Variants in COL19A1 observed in about 807,000 individuals in gnomAD.
COL19A1 encodes collagen type XIX alpha 1 chain.
COL19A1 carries 159 observed loss-of-function variants against 190.2 expected under a neutral mutation model. That is an observed-to-expected ratio of 0.84 (90% confidence interval 0.73 to 0.95). COL19A1 has a LOEUF of 0.95. Among genes scored for constraint, COL19A1 ranks in the 40% least tolerant of loss-of-function variants. The pLI is 0.00. For synonymous variants in COL19A1, 509 were observed against 458.9 expected (o/e 1.11, Z -1.39); for missense variants, 1,418 against 1,431.9 (o/e 0.99, Z 0.16).
chr6:70,049,048 A>G (rs1780055257), intron 14 of COL19A1, among the ~76,000 whole-genome samples: 2 of 151,912 alleles, frequency 1.3e-5, no homozygotes, highest in Non-Finnish European at 2.9e-5. Context: ...ATATAAATGT[A>G]TATATTATAG....
intron 11 of COL19A1, among the ~76,000 whole-genome samples, chr6:69,998,680 T>C (rs1217056310): frequency 6.6e-6 from 1 of 150,872 alleles, no homozygotes; most frequent in East Asian, 1.9e-4. Flanking sequence ...AAAAAGAAAT[T>C]TCATTCATTA....
Position 70,211,454 on chromosome 6 carries a change from T to C in COL19A1, c.*4180T>C, listed in dbSNP as rs1768202419. On this transcript the variant is annotated 3_prime_UTR_variant, in exon 51 of 51. Transcript: ENST00000620364. Reference sequence around the variant, plus strand: ...CCAGCGTTATTTCTTAATACTTGAGTGTTGACACATTTTTGTACCATCCCC... The same window carrying C: ...CCAGCGTTATTTCTTAATACTTGAGCGTTGACACATTTTTGTACCATCCCC... Among the ~76,000 whole-genome samples the C allele has an allele frequency of 6.6e-6, 1 of 151,462 alleles. No homozygotes were observed. Among genetic ancestry groups the C allele is most frequent in the African/African-American group, 2.4e-5 (1 of 41,076 alleles).
chr6:69,891,585 C>T (rs554458403), intron 2 of COL19A1, among the ~76,000 whole-genome samples: 2 of 152,322 alleles, frequency 1.3e-5, no homozygotes, highest in African/African-American at 4.8e-5. Flanking sequence ...TCCTCTTTCC[C>T]TCTTCCATCC....
At chr6:70,083,606 CCAG>C (rs980802900) in intron 15 of COL19A1, among the ~76,000 whole-genome samples, 1 of 152,166 alleles carries the variant, frequency 6.6e-6, no homozygotes, top group African/African-American at 2.4e-5. Context: ...AACTTTATCA[CCAG>C]CAGAAGGAAT....
At chr6:70,188,986 C>A (rs2150295563) in intron 47 of COL19A1, among the ~76,000 whole-genome samples, 1 of 152,308 alleles carries the variant, frequency 6.6e-6, no homozygotes, top group East Asian at 1.9e-4. Flanking sequence ...TCCTGAAACT[C>A]TACTTGAATA....
Position 70,180,342 on chromosome 6 carries a change from G to A in COL19A1, c.2698G>A (p.Val900Ile), listed in dbSNP as rs371331657. 1 of 1,614,146 alleles carries A rather than the reference G, an allele frequency of 6.2e-7. No individual in the cohort carries two copies. The stretch of plus-strand genomic sequence containing the variant: ...ACCTGGTGCCCCAGGGCCTCCAGGA[G>A]TTCCAGGGGAACCGGTGAGTTGGCA... ...GKPGAPGPPGVPGEPGERGPV... is the reference protein window; with the variant it reads ...GKPGAPGPPGIPGEPGERGPV... The change falls in exon 43 of 51, where the codon GTT (valine) becomes ATT (isoleucine). Residue 900 changes from valine (V) to isoleucine (I), a missense_variant. Transcript: ENST00000620364.
chr6:70,058,369 G>A (rs1258011706), intron 14 of COL19A1, among the ~76,000 whole-genome samples: 2 of 151,966 alleles, frequency 1.3e-5, no homozygotes, highest in Admixed American at 6.6e-5. Context: ...CACCCAGTTA[G>A]GGAACTGGTT....
rs1178902584 is a variant in COL19A1 at position 69,929,524 on chromosome 6, C to T, written c.490C>T (p.Arg164Cys). 1.2e-5 allele frequency: 20 copies of T among 1,613,912 alleles called. No individual in the cohort carries two copies. Among genetic ancestry groups the T allele is most frequent in the East Asian group, 2.2e-5 (1 of 44,886 alleles). ...LNYIFRNREL[R>C]PLFDRQWHKL... ...CTACATTTTTAGAAATCGAGAACTCCGTCCTTTGTTTGATCGTCAGTGGCA... is the reference window on the plus strand; with the variant it reads ...CTACATTTTTAGAAATCGAGAACTCTGTCCTTTGTTTGATCGTCAGTGGCA... The change falls in exon 6 of 51, where the codon CGT (arginine) becomes TGT (cysteine). Residue 164 changes from arginine to cysteine, a missense_variant. Coordinates refer to ENST00000620364, the MANE Select transcript of COL19A1 (RefSeq NM_001858.6).
At chr6:69,976,321 G>T (rs969627743) in intron 11 of COL19A1, among the ~76,000 whole-genome samples, 1 of 152,136 alleles carries the variant, frequency 6.6e-6, no homozygotes, top group Non-Finnish European at 1.5e-5. Flanking sequence ...GTTTGATGCC[G>T]ACTATAATCC....
At chr6:70,145,722 C>T (rs373908983) in intron 25 of COL19A1, among the ~76,000 whole-genome samples, 26 of 128,122 alleles carry the variant, frequency 2.0e-4, no homozygotes, top group East Asian at 6.6e-4. Context: ...CTTATTGTTT[C>T]TTTTTTTTTT....
chr6:70,071,266 CTTTT>C (rs1781532494), intron 15 of COL19A1, among the ~76,000 whole-genome samples: 1 of 4,482 alleles, frequency 2.2e-4, no homozygotes, highest in African/African-American at 3.1e-3. Flanking sequence ...AATTCTTTTT[CTTTT>C]TCTCTAACTC....
At chr6:70,104,495 C>T (rs1783830664) in intron 16 of COL19A1, among the ~76,000 whole-genome samples, 1 of 152,168 alleles carries the variant, frequency 6.6e-6, no homozygotes, top group South Asian at 2.1e-4. Flanking sequence ...AGAAACCACC[C>T]TCTTGACCCA....
intron 14 of COL19A1, among the ~76,000 whole-genome samples, chr6:70,067,666 G>C (rs1451840129): frequency 6.6e-6 from 1 of 152,088 alleles, no homozygotes; most frequent in Admixed American, 6.6e-5. Context: ...TGTGGACTGA[G>C]AAGAAAATGA....
chr6:70,078,929 T>C (rs1782064921), intron 15 of COL19A1, among the ~76,000 whole-genome samples: 1 of 152,062 alleles, frequency 6.6e-6, no homozygotes, highest in Non-Finnish European at 1.5e-5. Flanking sequence ...TAGCTGGGCA[T>C]GGTGGTGTGC....
At chr6:70,119,994 G>A (rs1446418250) in intron 16 of COL19A1, among the ~76,000 whole-genome samples, 1 of 152,272 alleles carries the variant, frequency 6.6e-6, no homozygotes, top group East Asian at 1.9e-4. Context: ...AGGAGACTAA[G>A]GCACAAGAAT....
intron 18 of COL19A1, 67 bp from the exon 19 acceptor site, chr6:70,137,618 T>C: frequency 7.1e-7 from 1 of 1,410,564 alleles, no homozygotes; most frequent in South Asian, 1.2e-5. Flanking sequence ...AATCATTCTG[T>C]ATCTGACAGT....
At chr6:69,868,427 A>G (rs1279236904) in intron 1 of COL19A1, among the ~76,000 whole-genome samples, 2 of 152,136 alleles carry the variant, frequency 1.3e-5, no homozygotes, top group Non-Finnish European at 1.5e-5. Context: ...CTTCAGGATG[A>G]AAAAGAGGAG....
At chr6:69,969,729 C>T (rs1425366151) in intron 11 of COL19A1, among the ~76,000 whole-genome samples, 2 of 152,026 alleles carry the variant, frequency 1.3e-5, no homozygotes, top group South Asian at 2.1e-4. Context: ...CATCCATGGA[C>T]TTTGTTATCA....
At chr6:70,017,037 C>T (rs1449432039) in intron 11 of COL19A1, among the ~76,000 whole-genome samples, 5 of 151,800 alleles carry the variant, frequency 3.3e-5, no homozygotes, top group African/African-American at 1.2e-4. Context: ...AATCTGTGTC[C>T]ACAAAAAGAT....
Sources: gnomAD v4.1 joint callset for allele counts (sites outside exome capture counted in the v4.1 genomes callset) on GRCh38, gnomAD v4.1.1 for gene constraint, MANE v1.5 for transcripts, NCBI Gene and HGNC (gene_info 2026-07-23, HGNC 2026-07-21) for gene names.